Variants in TXNDC5 observed in about 807,000 individuals in gnomAD.
TXNDC5 encodes the protein thioredoxin domain-containing protein 5.
In TXNDC5, 44 loss-of-function variants were observed where a neutral mutation model predicts 52.6. The ratio of observed to expected loss-of-function variants is 0.84; its 90% CI spans 0.66 to 1.08. The LOEUF is 1.08. Among genes scored for constraint, TXNDC5 ranks in the 50% least tolerant of loss-of-function variants. The pLI, the probability that TXNDC5 is intolerant of heterozygous loss-of-function variation, is 0.00. For synonymous variants in TXNDC5, 241 were observed against 234.4 expected (o/e 1.03, Z -0.26); for missense variants, 600 against 565.5 (o/e 1.06, Z -0.62).
chr6:7,896,106 G>A (rs1384786433), intron 3 of TXNDC5, among the ~76,000 whole-genome samples: 1 of 152,224 alleles, frequency 6.6e-6, no homozygotes, highest in Non-Finnish European at 1.5e-5. Flanking sequence ...AGGGAAAACT[G>A]TGAGGAAGAC....
intron 1 of TXNDC5, among the ~76,000 whole-genome samples, chr6:7,905,767 A>G (rs2113368877): frequency 6.6e-6 from 1 of 152,352 alleles, no homozygotes; most frequent in African/African-American, 2.4e-5. Flanking sequence ...GCTATTTAAT[A>G]TGGCAGGAAC....
intron 4 of TXNDC5, chr6:7,894,865 T>C (rs975323534): frequency 1.1e-5 from 11 of 985,338 alleles, no homozygotes; most frequent in African/African-American, 1.7e-5. Context: ...GTCCAGCTAG[T>C]GTGCGGGTCA....
At position 7,895,826 on chromosome 6, in the gene TXNDC5, A is replaced by C. The variant is rs954746140; in HGVS notation, c.520-624T>G. Reference sequence around the variant, plus strand: ...GGCAACAGAGTGAGACCCCATCGCTACAAAAAAAAAATTTTATTTACCTGA... The same window carrying C: ...GGCAACAGAGTGAGACCCCATCGCTCCAAAAAAAAAATTTTATTTACCTGA... On this transcript the variant is annotated intron_variant, in intron 3 of 9. Transcript: ENST00000379757. Among the ~76,000 whole-genome samples the C allele has an allele frequency of 3.3e-5, 5 of 152,058 alleles. No individual in the cohort carries two copies. The East Asian group carries it at 9.6e-4, about 29-fold the overall frequency.
In TXNDC5 at chr6:7,881,880, GTTA is replaced by G. The variant is rs1759755493; in HGVS notation, c.*1261_*1263del. On this transcript the variant is annotated 3_prime_UTR_variant, in exon 10 of 10. Coordinates refer to ENST00000379757, the MANE Select transcript of TXNDC5 (RefSeq NM_030810.5). ...GGTGAAGAGTGTTGGATGCAAAGTGGTTATTATGGGAAGTAGCTCGATGGTAAA... is the reference window on the plus strand; with the variant it reads ...GGTGAAGAGTGTTGGATGCAAAGTGGTTATGGGAAGTAGCTCGATGGTAAA... 6.6e-6 allele frequency: 1 copy of G among 152,138 alleles called. No individual in the cohort carries two copies. Among genetic ancestry groups the G allele is most frequent in the South Asian group, 2.1e-4 (1 of 4,828 alleles). 9.4% of individuals were successfully genotyped at this position (152,138 alleles called of 1,614,324 possible).
Position 7,881,633 on chromosome 6 carries a change from A to G in TXNDC5, c.*1511T>C, listed in dbSNP as rs1407717081. 7.1e-6 allele frequency: 1 copy of G among 141,774 alleles called. No individual in the cohort carries two copies. Among genetic ancestry groups the G allele is most frequent in the African/African-American group, 2.9e-5 (1 of 34,962 alleles). 8.8% of individuals were successfully genotyped at this position (141,774 alleles called of 1,614,324 possible). ...GCAAAGCTGAAGTTGTGTGTACAAGACTCTTGACAGTTGTGCTTCTCTAGG... is the reference window on the plus strand; with the variant it reads ...GCAAAGCTGAAGTTGTGTGTACAAGGCTCTTGACAGTTGTGCTTCTCTAGG... On this transcript the variant is annotated 3_prime_UTR_variant, in exon 10 of 10. Transcript: ENST00000379757.
chr6:7,903,303 C>A (rs960628611), intron 2 of TXNDC5, among the ~76,000 whole-genome samples: 8 of 152,150 alleles, frequency 5.3e-5, no homozygotes. Context: ...AATTTTATCT[C>A]CATTGATCTG....
intron 1 of TXNDC5, among the ~76,000 whole-genome samples, chr6:7,907,520 C>G (rs1489458342): frequency 1.3e-5 from 2 of 152,220 alleles, no homozygotes; most frequent in African/African-American, 4.8e-5. Context: ...GATAACCCTG[C>G]AGAAGCCAAG....
At chr6:7,908,217 A>G (rs188988652) in intron 1 of TXNDC5, among the ~76,000 whole-genome samples, 85 of 138,270 alleles carry the variant, frequency 6.1e-4, no homozygotes, top group African/African-American at 1.9e-3. Context: ...CAGGAGGTGG[A>G]GGTTGCAGTA....
chr6:7,902,079 A>G (rs1288274297), intron 2 of TXNDC5, among the ~76,000 whole-genome samples: 1 of 152,158 alleles, frequency 6.6e-6, no homozygotes, highest in Non-Finnish European at 1.5e-5. Context: ...GACGGCAGTG[A>G]TGCATCTACA....
At chr6:7,885,290 TG>T (rs770529949) in intron 8 of TXNDC5, among the ~76,000 whole-genome samples, 3 of 152,224 alleles carry the variant, frequency 2.0e-5, no homozygotes, top group Non-Finnish European at 4.4e-5. Flanking sequence ...CCAAATGGAT[TG>T]TTTTATTTGT....
At chr6:7,890,933 C>A (rs979533046) in intron 5 of TXNDC5, among the ~76,000 whole-genome samples, 1 of 152,192 alleles carries the variant, frequency 6.6e-6, no homozygotes, top group South Asian at 2.1e-4. Flanking sequence ...CCAAGTAGAT[C>A]ATCCTGTTAA....
intron 5 of TXNDC5, 41 bp downstream of exon 5, chr6:7,891,580 C>A (rs1242101547): frequency 1.3e-6 from 2 of 1,548,362 alleles, no homozygotes. Context: ...TAATCCAGCC[C>A]AAAGCAGTCC....
chr6:7,899,642 G>A lies in TXNDC5; in HGVS notation c.453C>T (p.Tyr151=). The A allele has an allele frequency of 6.2e-7, 1 of 1,614,102 alleles. No homozygotes were observed. Residue 151 remains tyrosine, a synonymous_variant, in exon 3 of 10, where the codon TAC becomes TAT. Transcript: ENST00000379757. ...LFKPGQEAVK[Y]QGPRDFQTLE... The stretch of plus-strand genomic sequence containing the variant: ...GTGTCTGGAAGTCCCGAGGACCCTG[G>A]TACTTCACAGCTTCTTGGCCTGGCT...
At chr6:7,891,920 A>C (rs1375419821) in intron 4 of TXNDC5, among the ~76,000 whole-genome samples, 184 bp from the exon 5 acceptor site, 2 of 152,260 alleles carry the variant, frequency 1.3e-5, no homozygotes, top group Non-Finnish European at 2.9e-5. Flanking sequence ...CTTCATAACA[A>C]TACTCAAAAC....
At chr6:7,892,131 G>A (rs1192574659) in intron 4 of TXNDC5, among the ~76,000 whole-genome samples, 2 of 152,220 alleles carry the variant, frequency 1.3e-5, no homozygotes, top group African/African-American at 4.8e-5. Context: ...GCAGCCCTAA[G>A]GAATGGACGG....
intron 1 of TXNDC5, chr6:7,909,877 C>T (rs185809803): frequency 1.0e-6 from 1 of 986,032 alleles, no homozygotes; most frequent in Non-Finnish European, 1.2e-6. Context: ...CTGTCCCAGC[C>T]GACCCCGGTG....
chr6:7,909,756 TCTGCCCGGAC>T, intron 1 of TXNDC5: 4 of 985,962 alleles, frequency 4.1e-6, no homozygotes, highest in Non-Finnish European at 4.8e-6. Context: ...GCAACCCTCC[TCTGCCCGGAC>T]CACTCCTTCC....
At chr6:7,887,682 T>C (rs758817554) in intron 7 of TXNDC5, among the ~76,000 whole-genome samples, 30 of 152,190 alleles carry the variant, frequency 2.0e-4, no homozygotes, top group Admixed American at 5.9e-4. Context: ...AGAGCCTCCA[T>C]GGGCTCCCTG....
chr6:7,898,835 TC>T (rs1414881954), intron 3 of TXNDC5, among the ~76,000 whole-genome samples: 1 of 152,160 alleles, frequency 6.6e-6, no homozygotes, highest in East Asian at 1.9e-4. Context: ...GGATTATAAA[TC>T]CTTTTTAGTA....
Sources: allele counts gnomAD v4.1 joint callset (sites outside exome capture counted in the v4.1 genomes callset), GRCh38; gene constraint gnomAD v4.1.1; transcripts MANE v1.5; gene names NCBI Gene and HGNC (gene_info 2026-07-23, HGNC 2026-07-21).